The following CBFA2T3 variants were observed in gnomAD, a reference collection of about 807,000 sequenced individuals.
The protein encoded by CBFA2T3 is CBFA2/RUNX1 partner transcriptional co-repressor 3, also known as transcriptional corepressor CBFA2T3.
Under a neutral mutation model 58.6 loss-of-function variants are expected in CBFA2T3, and 31 were observed. That is an observed-to-expected ratio of 0.53 (90% CI 0.40 to 0.71). The LOEUF (loss-of-function observed/expected upper bound fraction) is 0.71. Ranked by LOEUF, CBFA2T3 falls within the 30% of genes least tolerant of loss-of-function variation. CBFA2T3 has a pLI of 0.00. For missense variants in CBFA2T3, 1,076 were observed against 963.1 expected (o/e 1.12, Z -1.55); for synonymous variants, 531 against 421.9 (o/e 1.26, Z -3.17).
rs1374577248 is a variant in CBFA2T3 at position 88,932,220 on chromosome 16, TTCCCCCTCACATGGCCCCC to T, written c.152-30583_152-30565del. Among the ~76,000 whole-genome samples the T allele has an allele frequency of 6.6e-3, 276 of 41,844 alleles. 3 individuals carry two copies. The highest frequency in any genetic ancestry group is 0.025 in the African/African-American group (259 of 10,160). The allele number at this position is 41,844 out of a possible 152,430, so 27.5% of individuals were successfully genotyped here. On this transcript the variant is annotated intron_variant, in intron 1 of 11. Coordinates refer to ENST00000268679, the MANE Select transcript of CBFA2T3 (RefSeq NM_005187.6). ...CGCTTCCCCCTCACACGGCCCCCGC[TTCCCCCTCACATGGCCCCC>T]GCTTCCCCCTCACACGGCCCCCACT...
chr16:88,897,805 G>C (rs1969945633), intron 3 of CBFA2T3, among the ~76,000 whole-genome samples: 1 of 152,246 alleles, frequency 6.6e-6, no homozygotes, highest in African/African-American at 2.4e-5. Flanking sequence ...GCCATGTTTT[G>C]CTGCTGGGGA....
rs61757659 is a variant in CBFA2T3, at chr16:88,885,186, C to T, written c.977G>A (p.Arg326His). The change falls in exon 7 of 12, where the codon CGC becomes CAC. Residue 326 changes from arginine to histidine, a missense_variant. Arg to His is a conservative substitution (Grantham distance 29). Transcript: ENST00000268679. This position sits in a 1 kb window ranked among gnomAD's most constrained non-coding sequence, Gnocchi z 5.3. ...CGGTGGCCCGTTGCTGGGGCTGTAG[C>T]GCTGGGCAGGGTTCAGGGTGCATGG... ...KRPCTLNPAQ[R>H]YSPSNGPPQP... 6,390 of 1,603,554 alleles carry T rather than the reference C, an allele frequency of 4.0e-3. 29 individuals are homozygous for T. The highest frequency in any genetic ancestry group is 0.015 in the Middle Eastern group (92 of 6,028).
chr16:88,892,577 G>A lies in CBFA2T3; in HGVS notation c.380-92C>T, dbSNP rs192517213. 30 of 1,408,056 alleles carry A rather than the reference G, an allele frequency of 2.1e-5. 1 individual carries two copies. The East Asian group carries it at 3.0e-4, about 14-fold the overall frequency. 87.2% of individuals were successfully genotyped at this position (1,408,056 alleles called of 1,614,324 possible). ...CAGTGAGGGAAGCAGCGACTAAGGTGACAATGTCAAAAGTGACGGCAACAA... is the reference window on the plus strand; with the variant it reads ...CAGTGAGGGAAGCAGCGACTAAGGTAACAATGTCAAAAGTGACGGCAACAA... On this transcript the variant is annotated intron_variant, in intron 3 of 11. Transcript: ENST00000268679.
At position 88,895,562 on chromosome 16, in the gene CBFA2T3, G is replaced by A. The variant is rs543618084; in HGVS notation, c.379+2516C>T. Among the ~76,000 whole-genome samples, 7 of 152,278 alleles carry A rather than the reference G, an allele frequency of 4.6e-5. 1 individual carries two copies. In the East Asian group the frequency reaches 1.4e-3, roughly 29 times the overall value. On this transcript the variant is annotated intron_variant, in intron 3 of 11. Coordinates refer to ENST00000268679, the MANE Select transcript of CBFA2T3 (RefSeq NM_005187.6). ...CCACACACCGAGCAAACAGCGCTGG[G>A]CACAGTGGCACAGGGGGGAGGCCGG...
intron 3 of CBFA2T3, among the ~76,000 whole-genome samples, chr16:88,894,143 C>A (rs1421015578): frequency 6.6e-6 from 1 of 152,236 alleles, no homozygotes; most frequent in Non-Finnish European, 1.5e-5. Flanking sequence ...CCCCCACCAC[C>A]CTTACACACA....
chr16:88,961,382 C>T (rs1449507127), intron 1 of CBFA2T3, among the ~76,000 whole-genome samples: 37 of 134,956 alleles, frequency 2.7e-4, no homozygotes, highest in Middle Eastern at 5.0e-3. Flanking sequence ...CACTCCATAG[C>T]AACTGACCCT....
At chr16:88,903,754 T>A (rs1225541060) in intron 1 of CBFA2T3, among the ~76,000 whole-genome samples, 1 of 146,570 alleles carries the variant, frequency 6.8e-6, no homozygotes, top group Non-Finnish European at 1.5e-5. Context: ...CCAGCGTGGG[T>A]TGGGCATGCC....
intron 10 of CBFA2T3, chr16:88,880,135 G>C (rs569955059): frequency 1.3e-5 from 2 of 156,244 alleles, no homozygotes; most frequent in Non-Finnish European, 2.8e-5. Flanking sequence ...AGCCTCCAGG[G>C]AGCACTGCCC....
chr16:88,961,409 C>T (rs1452989463), intron 1 of CBFA2T3, among the ~76,000 whole-genome samples: 3 of 151,810 alleles, frequency 2.0e-5, no homozygotes, highest in Non-Finnish European at 4.4e-5. Context: ...TGGACATTCC[C>T]ACTCCATAGT....
intron 10 of CBFA2T3, 197 bp from the exon 11 acceptor site, chr16:88,879,657 CGTT>C (rs1455311265): frequency 1.6e-5 from 9 of 561,122 alleles, no homozygotes; most frequent in African/African-American, 1.1e-4. Context: ...CACAGACACA[CGTT>C]GATGGCCCTC....
rs1047372051 is a variant in CBFA2T3, at chr16:88,948,799, A to G, written c.151+27858T>C. On this transcript the variant is annotated intron_variant, in intron 1 of 11. Coordinates refer to ENST00000268679, the MANE Select transcript of CBFA2T3 (RefSeq NM_005187.6). ...GAGCTGGCTGGCCTACACATTTGCA[A>G]TGTGGCTCAAAGACAAGTTCAGAGT... Among the ~76,000 whole-genome samples, 9 of 152,344 alleles carry G rather than the reference A, an allele frequency of 5.9e-5. No individual in the cohort carries two copies. The East Asian group carries it at 1.5e-3, about 26-fold the overall frequency.
intron 8 of CBFA2T3, 92 bp downstream of exon 8, chr16:88,882,584 G>C: frequency 2.4e-6 from 1 of 408,382 alleles, no homozygotes; most frequent in Non-Finnish European, 3.8e-6. Context: ...GGGCGTGGCT[G>C]TGTGTGCATG....
intron 1 of CBFA2T3, among the ~76,000 whole-genome samples, chr16:88,913,082 C>T (rs978662973): frequency 2.6e-5 from 4 of 152,254 alleles, no homozygotes; most frequent in African/African-American, 9.6e-5. Context: ...AGGCGGGGTC[C>T]ACTTCCCTGC....
chr16:88,959,701 G>A (rs1017487596), intron 1 of CBFA2T3, among the ~76,000 whole-genome samples: 3 of 152,154 alleles, frequency 2.0e-5, no homozygotes, highest in African/African-American at 7.2e-5. Flanking sequence ...AACGGGAGCA[G>A]GGCAGAGACG....
At position 88,877,171 on chromosome 16, in the gene CBFA2T3, G is replaced by A; in HGVS notation, c.1767C>T (p.His589=). 1.3e-6 allele frequency: 2 copies of A among 1,552,764 alleles called. No individual in the cohort carries two copies. Among genetic ancestry groups the A allele is most frequent in the Non-Finnish European group, 1.7e-6 (2 of 1,148,652 alleles). The change falls in exon 12 of 12, where the codon CAC becomes CAT. Residue 589 remains histidine (H), a synonymous_variant. Coordinates refer to ENST00000268679, the MANE Select transcript of CBFA2T3 (RefSeq NM_005187.6). ...CCTGCAGGCTCTGGCCACACACGTG[G>A]TGATGCTTCTCCCAGTCCCGATGCT... ...FCQHRDWEKH[H]HVCGQSLQGP...
intron 3 of CBFA2T3, among the ~76,000 whole-genome samples, chr16:88,896,517 TC>T (rs1280837976): frequency 2.0e-5 from 3 of 152,144 alleles, no homozygotes; most frequent in Non-Finnish European, 4.4e-5. Flanking sequence ...TGAGCCTCTG[TC>T]CGGAGGACCC....
In CBFA2T3 at chr16:88,877,281, T is replaced by A. The variant is rs745384105; in HGVS notation, c.1663-6A>T. 5.4e-5 allele frequency: 83 copies of A among 1,542,616 alleles called. No individual in the cohort carries two copies. The highest frequency in any genetic ancestry group is 6.9e-5 in the Non-Finnish European group (79 of 1,143,746). On this transcript the variant is annotated splice_polypyrimidine_tract_variant and splice_region_variant and intron_variant, in intron 11 of 11. Transcript: ENST00000268679. Reference sequence around the variant, plus strand: ...CGCCCGCAGTTCCAGCAGCTCTGGGTGGGGGCAGAGGGGCCAGTCAGGGCT... The same window carrying A: ...CGCCCGCAGTTCCAGCAGCTCTGGGAGGGGGCAGAGGGGCCAGTCAGGGCT...
chr16:88,956,017 C>G (rs917820371), intron 1 of CBFA2T3, among the ~76,000 whole-genome samples: 1 of 152,246 alleles, frequency 6.6e-6, no homozygotes, highest in African/African-American at 2.4e-5. Flanking sequence ...TGACCCCACC[C>G]AAGGATCCTG....
chr16:88,889,025 G>A (rs1173320734), intron 5 of CBFA2T3, among the ~76,000 whole-genome samples: 6 of 151,976 alleles, frequency 3.9e-5, no homozygotes, highest in Admixed American at 1.3e-4. Context: ...ATGCTGCGGC[G>A]TTTCTCTGCC....
Sources: allele counts gnomAD v4.1 joint callset (sites outside exome capture counted in the v4.1 genomes callset), GRCh38; gene constraint gnomAD v4.1.1; non-coding constraint Gnocchi (gnomAD v3.1); transcripts MANE v1.5; gene names NCBI Gene and HGNC (gene_info 2026-07-23, HGNC 2026-07-21).